Variants in LINGO2 observed in about 807,000 individuals in gnomAD.
LINGO2 encodes leucine-rich repeat and immunoglobulin-like domain-containing nogo receptor-interacting protein 2.
A neutral mutation model predicts 30.6 loss-of-function variants in LINGO2; 14 were observed. That is an observed-to-expected ratio of 0.46 (90% confidence interval 0.30 to 0.72). The LOEUF is 0.72. LINGO2 is among the 30% of genes least tolerant of loss of function. The pLI is 0.07. For missense variants in LINGO2, 729 were observed against 751.7 expected (o/e 0.97, Z 0.35); for synonymous variants, 317 against 288.5 (o/e 1.10, Z -1.00).
intron 5 of LINGO2, among the ~76,000 whole-genome samples, chr9:27,975,656 A>T (rs753333630): frequency 1.4e-4 from 21 of 152,094 alleles, no homozygotes; most frequent in Non-Finnish European, 2.2e-4. Context: ...TTTTGACGTA[A>T]ATTTTGTGTA....
chr9:28,932,107 A>AAAAAT, the LINGO2 span, among the ~76,000 whole-genome samples: 3,131 of 107,560 alleles, frequency 0.029, 124 homozygotes, highest in African/African-American at 0.042. Context: ...ACTCTGACAA[A>AAAAAT]AAAATAAAAT....
the LINGO2 span, among the ~76,000 whole-genome samples, chr9:29,146,329 T>C: frequency 6.6e-6 from 1 of 151,922 alleles, no homozygotes; most frequent in Non-Finnish European, 1.5e-5. Flanking sequence ...CACTCCAGTC[T>C]GGCGACAGAG....
At chr9:29,003,197 A>G in the LINGO2 span, among the ~76,000 whole-genome samples, 2 of 152,056 alleles carry the variant, frequency 1.3e-5, no homozygotes, top group Admixed American at 6.6e-5. Flanking sequence ...TCTAGCCTCC[A>G]GAACTGTGCA....
At chr9:28,160,048 T>C (rs566594630) in intron 4 of LINGO2, among the ~76,000 whole-genome samples, 2 of 152,166 alleles carry the variant, frequency 1.3e-5, no homozygotes, top group African/African-American at 4.8e-5. Flanking sequence ...CAAGATGATG[T>C]TGTGACTGCC....
chr9:28,671,027 A>C (rs1215223101), upstream of LINGO2, among the ~76,000 whole-genome samples: 2 of 152,160 alleles, frequency 1.3e-5, no homozygotes, highest in Admixed American at 1.3e-4. Flanking sequence ...AAAGAGAATT[A>C]AAATGATAAG....
At chr9:28,176,823 T>C (rs1342070120) in intron 4 of LINGO2, among the ~76,000 whole-genome samples, 1 of 152,208 alleles carries the variant, frequency 6.6e-6, no homozygotes, top group Non-Finnish European at 1.5e-5. Flanking sequence ...GCACGTGTAG[T>C]GTACTTAACT....
At chr9:28,878,449 A>G in the LINGO2 span, among the ~76,000 whole-genome samples, 1 of 152,184 alleles carries the variant, frequency 6.6e-6, no homozygotes, top group African/African-American at 2.4e-5. Context: ...AACTATTCCA[A>G]TCAATAGAAA....
chr9:28,162,025 T>C (rs954614743), intron 4 of LINGO2, among the ~76,000 whole-genome samples: 12 of 152,276 alleles, frequency 7.9e-5, no homozygotes, highest in African/African-American at 2.9e-4. Context: ...TTTGCAGTGA[T>C]TTCAAAATTT....
the LINGO2 span, among the ~76,000 whole-genome samples, chr9:29,062,640 C>A: frequency 6.6e-6 from 1 of 151,728 alleles, no homozygotes; most frequent in South Asian, 2.1e-4. Context: ...GTAGTCAAAT[C>A]CATAAAGAAA....
chr9:28,003,419 TTTCA>T (rs1822083372), intron 5 of LINGO2, among the ~76,000 whole-genome samples: 1 of 152,062 alleles, frequency 6.6e-6, no homozygotes, highest in Non-Finnish European at 1.5e-5. Flanking sequence ...TTCACATTTA[TTTCA>T]GTGTTTACTA....
intron 1 of LINGO2, among the ~76,000 whole-genome samples, chr9:28,499,500 T>A (rs1159922473): frequency 6.6e-6 from 1 of 152,176 alleles, no homozygotes; most frequent in Non-Finnish European, 1.5e-5. Context: ...CTGACAGCAA[T>A]TTTAATTTAG....
intron 1 of LINGO2, among the ~76,000 whole-genome samples, chr9:28,585,342 G>T (rs952226194): frequency 6.6e-6 from 1 of 151,882 alleles, no homozygotes; most frequent in Non-Finnish European, 1.5e-5. Context: ...TAGACTGAGG[G>T]TATGGTATAA....
intron 4 of LINGO2, among the ~76,000 whole-genome samples, chr9:28,080,306 G>C (rs1340119629): frequency 6.6e-6 from 1 of 152,120 alleles, no homozygotes; most frequent in Non-Finnish European, 1.5e-5. Flanking sequence ...GATCGGGTCT[G>C]GTGGAGTTTT....
chr9:28,667,076 T>C (rs1828830579), intron 1 of LINGO2, among the ~76,000 whole-genome samples: 2 of 152,166 alleles, frequency 1.3e-5, no homozygotes, highest in Admixed American at 1.3e-4. Flanking sequence ...ATGTGAAGTG[T>C]TATTTCTTCA....
At chr9:28,033,116 C>T (rs1345261662) in intron 4 of LINGO2, among the ~76,000 whole-genome samples, 1 of 152,200 alleles carries the variant, frequency 6.6e-6, no homozygotes, top group Non-Finnish European at 1.5e-5. Context: ...CTGCTATGAT[C>T]CCTTTACTTA....
the LINGO2 span, among the ~76,000 whole-genome samples, chr9:28,765,520 AGGAGTGAATGAGCTCTTGCTCT>A: frequency 3.3e-5 from 5 of 152,098 alleles, no homozygotes; most frequent in African/African-American, 1.2e-4. Context: ...GCCCTCCCAA[AGGAGTGAATGAGCTCTTGCTCT>A]GGAGAGATGG....
At chr9:28,029,899 CAAT>C (rs745364082) in intron 4 of LINGO2, among the ~76,000 whole-genome samples, 3 of 152,044 alleles carry the variant, frequency 2.0e-5, no homozygotes, top group Admixed American at 6.6e-5. Flanking sequence ...CAGAAAGGCA[CAAT>C]AATTCCATAG....
chr9:28,105,823 C>G (rs1402320559), intron 4 of LINGO2, among the ~76,000 whole-genome samples: 1 of 152,046 alleles, frequency 6.6e-6, no homozygotes, highest in African/African-American at 2.4e-5. Flanking sequence ...GGAGGAGAGC[C>G]CTCACAAGAA....
At chr9:28,788,536 G>A in the LINGO2 span, among the ~76,000 whole-genome samples, 3 of 152,178 alleles carry the variant, frequency 2.0e-5, no homozygotes, top group African/African-American at 7.2e-5. Flanking sequence ...TACCGCTATA[G>A]AGAATTGCCC....
Sources: gnomAD v4.1 joint callset for allele counts (sites outside exome capture counted in the v4.1 genomes callset) on GRCh38, gnomAD v4.1.1 for gene constraint, MANE v1.5 for transcripts, NCBI Gene and HGNC (gene_info 2026-07-23, HGNC 2026-07-21) for gene names.